The following TMCO4 variants were observed in gnomAD, a reference collection of about 807,000 sequenced individuals.
TMCO4 encodes transmembrane and coiled-coil domain-containing protein 4.
A neutral mutation model predicts 64.7 loss-of-function variants in TMCO4; 58 were observed. The ratio of observed to expected loss-of-function variants is 0.90; its 90% CI spans 0.73 to 1.12. TMCO4 has a LOEUF of 1.12. Ranked by LOEUF, TMCO4 falls within the 50% of genes most tolerant of loss-of-function variation. TMCO4 has a pLI of 0.00. For missense variants in TMCO4, 780 were observed against 825.9 expected (o/e 0.94, Z 0.68); for synonymous variants, 325 against 346.1 (o/e 0.94, Z 0.68).
In TMCO4 at chr1:19,709,727, T is replaced by G. The variant is rs567277426; in HGVS notation, c.1265-8842A>C. On this transcript the variant is annotated intron_variant, in intron 13 of 15. Coordinates refer to ENST00000294543, the MANE Select transcript of TMCO4 (RefSeq NM_181719.7). Reference sequence around the variant, plus strand: ...TGCAAGGCTTTTTTGTTTCTGTTTGTTTTTTTTTTGTATAAAAACAAACAA... The same window carrying G: ...TGCAAGGCTTTTTTGTTTCTGTTTGGTTTTTTTTTGTATAAAAACAAACAA... 8.0e-5 allele frequency among the ~76,000 whole-genome samples: 11 copies of G among 136,938 alleles called. No homozygotes were observed. The South Asian group carries it at 8.5e-4, about 11-fold the overall frequency. The allele number at this position is 136,938 out of a possible 152,430, so 89.8% of individuals were successfully genotyped here. A position where few individuals can be genotyped will look rare whatever the true frequency, so the allele number is the denominator to read the frequency against.
chr1:19,709,316 C>T (rs1026472197), intron 13 of TMCO4, among the ~76,000 whole-genome samples: 1 of 151,622 alleles, frequency 6.6e-6, no homozygotes, highest in African/African-American at 2.4e-5. Context: ...AATTAATCTG[C>T]ACTGCCTGAC....
At chr1:19,787,362 C>T (rs930530965) in intron 2 of TMCO4, among the ~76,000 whole-genome samples, 3 of 152,214 alleles carry the variant, frequency 2.0e-5, no homozygotes, top group African/African-American at 7.2e-5. Flanking sequence ...TGCCACTTTC[C>T]ATGGATTGTC....
At chr1:19,733,593 C>T (rs995505164) in intron 13 of TMCO4, among the ~76,000 whole-genome samples, 3 of 152,142 alleles carry the variant, frequency 2.0e-5, no homozygotes, top group African/African-American at 7.2e-5. Flanking sequence ...GGAGCTATTT[C>T]CAAAATAGGG....
At chr1:19,698,388 C>T (rs980673026) in intron 14 of TMCO4, among the ~76,000 whole-genome samples, 61 of 152,318 alleles carry the variant, frequency 4.0e-4, no homozygotes, top group African/African-American at 1.4e-3. Context: ...CTGGGCAAGT[C>T]ACTTGCCCCT....
At chr1:19,720,971 A>T (rs1006273591) in intron 13 of TMCO4, among the ~76,000 whole-genome samples, 1 of 152,146 alleles carries the variant, frequency 6.6e-6, no homozygotes, top group African/African-American at 2.4e-5. Context: ...AACAGTTTCC[A>T]TTACAGAGTG....
At chr1:19,702,740 G>A (rs959938263) in intron 13 of TMCO4, among the ~76,000 whole-genome samples, 2 of 152,196 alleles carry the variant, frequency 1.3e-5, no homozygotes. Flanking sequence ...CACCAGCCTG[G>A]GTGACAGAGG....
intron 6 of TMCO4, among the ~76,000 whole-genome samples, chr1:19,769,963 C>G (rs1179647089): frequency 8.0e-6 from 1 of 124,468 alleles, no homozygotes; most frequent in Non-Finnish European, 1.8e-5. Flanking sequence ...CTGCCGGAGG[C>G]CGGCATGGCT....
intron 6 of TMCO4, among the ~76,000 whole-genome samples, chr1:19,759,620 T>A (rs1570930121): frequency 1.3e-5 from 2 of 152,204 alleles, no homozygotes; most frequent in African/African-American, 4.8e-5. Flanking sequence ...CACTCGCTGT[T>A]CTTGATATCT....
intron 4 of TMCO4, among the ~76,000 whole-genome samples, chr1:19,777,659 T>C (rs955262247): frequency 6.6e-6 from 1 of 152,204 alleles, no homozygotes; most frequent in Non-Finnish European, 1.5e-5. Context: ...CAAAAACCTC[T>C]TGAGGCACTG....
chr1:19,748,207 C>T (rs781684381), intron 7 of TMCO4, among the ~76,000 whole-genome samples: 4 of 152,188 alleles, frequency 2.6e-5, no homozygotes, highest in East Asian at 3.8e-4. Context: ...TTTAGCATGG[C>T]GGCGGGCACA....
At chr1:19,757,817 A>C (rs78784582) in intron 6 of TMCO4, among the ~76,000 whole-genome samples, 2,496 of 152,298 alleles carry the variant, frequency 0.016, 76 homozygotes, top group African/African-American at 0.057. Context: ...TATGCAGTGA[A>C]TGAACCAATG....
chr1:19,697,626 T>C (rs1409179635), intron 14 of TMCO4, among the ~76,000 whole-genome samples: 1 of 150,392 alleles, frequency 6.6e-6, no homozygotes, highest in East Asian at 2.0e-4. Context: ...TGAGACATAG[T>C]CTCGCTCTGT....
intron 4 of TMCO4, among the ~76,000 whole-genome samples, chr1:19,773,224 C>G (rs913533824): frequency 1.8e-4 from 28 of 152,058 alleles, no homozygotes; most frequent in Non-Finnish European, 1.5e-5. Context: ...AACTAAATCC[C>G]GGCCTCACCA....
intron 1 of TMCO4, among the ~76,000 whole-genome samples, chr1:19,798,742 G>T (rs2044456369): frequency 6.6e-6 from 1 of 152,200 alleles, no homozygotes; most frequent in African/African-American, 2.4e-5. Flanking sequence ...TCCCTCCCCA[G>T]GCTGAAGGGC....
intron 13 of TMCO4, among the ~76,000 whole-genome samples, chr1:19,710,182 C>T (rs541017323): frequency 6.6e-6 from 1 of 152,180 alleles, no homozygotes; most frequent in African/African-American, 2.4e-5. Context: ...TCATAGCTCA[C>T]TGCAGCCTCA....
intron 5 of TMCO4, 132 bp from the exon 6 acceptor site, chr1:19,770,701 G>A (rs2042942217): frequency 5.9e-6 from 5 of 842,204 alleles, no homozygotes; most frequent in African/African-American, 3.5e-5. Context: ...TTCTAGACGT[G>A]AGCCAGATGA....
intron 6 of TMCO4, 102 bp from the exon 7 acceptor site, chr1:19,755,868 T>C: frequency 1.5e-6 from 2 of 1,370,514 alleles, no homozygotes; most frequent in African/African-American, 1.4e-5. Context: ...ACAGCCTAAA[T>C]GTACAACCCC....
chr1:19,684,481 A>T (rs1203171906), intron 15 of TMCO4, among the ~76,000 whole-genome samples: 1 of 152,036 alleles, frequency 6.6e-6, no homozygotes, highest in Admixed American at 6.6e-5. Flanking sequence ...TAGTTGTGAC[A>T]CCTTGGTCAA....
At chr1:19,754,166 A>G (rs1354790621) in intron 7 of TMCO4, among the ~76,000 whole-genome samples, 1 of 152,188 alleles carries the variant, frequency 6.6e-6, no homozygotes, top group Non-Finnish European at 1.5e-5. Context: ...TCTGGTTTAT[A>G]TCTTCCCTGA....
Sources: allele counts gnomAD v4.1 joint callset (sites outside exome capture counted in the v4.1 genomes callset), GRCh38; gene constraint gnomAD v4.1.1; transcripts MANE v1.5; gene names NCBI Gene and HGNC (gene_info 2026-07-23, HGNC 2026-07-21).